Variants in APP observed in about 807,000 individuals in gnomAD.
The protein encoded by APP is amyloid-beta precursor protein.
In APP, 31 loss-of-function variants were observed where a neutral mutation model predicts 101.4. The ratio of observed to expected loss-of-function variants is 0.31; its 90% CI spans 0.23 to 0.41. The LOEUF (loss-of-function observed/expected upper bound fraction) is 0.41. Ranked by LOEUF, APP falls within the 10% of genes least tolerant of loss-of-function variation. The pLI is 1.00. For synonymous variants in APP, 366 were observed against 364.4 expected (o/e 1.00, Z -0.05); for missense variants, 839 against 1,003.7 (o/e 0.84, Z 2.22).
At chr21:26,130,703 C>T (rs2062776621) in intron 1 of APP, among the ~76,000 whole-genome samples, 1 of 152,218 alleles carries the variant, frequency 6.6e-6, no homozygotes, top group African/African-American at 2.4e-5. Flanking sequence ...GGGCAAATTC[C>T]TGTTTCTAGA....
chr21:26,160,959 GA>G (rs984872220), intron 1 of APP, among the ~76,000 whole-genome samples: 3 of 151,980 alleles, frequency 2.0e-5, no homozygotes, highest in African/African-American at 7.2e-5. Context: ...AAAAGAGGCT[GA>G]AAAAAAAGAA....
intron 6 of APP, among the ~76,000 whole-genome samples, chr21:26,001,833 A>T (rs551181276): frequency 0.081 from 7 of 86 alleles, no homozygotes; most frequent in South Asian, 0.44. Flanking sequence ...CCAATCAAAG[A>T]CAAGGATCCA....
intron 11 of APP, among the ~76,000 whole-genome samples, chr21:25,968,462 A>G (rs1044785936): frequency 2.0e-5 from 3 of 151,766 alleles, no homozygotes; most frequent in Admixed American, 6.6e-5. Flanking sequence ...CATCTAGCCT[A>G]AAGTATTTAT....
chr21:26,004,968 C>T (rs535080712), intron 6 of APP, among the ~76,000 whole-genome samples: 1 of 152,284 alleles, frequency 6.6e-6, no homozygotes, highest in Non-Finnish European at 1.5e-5. Flanking sequence ...CATGTCCCTA[C>T]AAAGGACGTG....
At chr21:25,936,382 T>C (rs544157611) in intron 13 of APP, among the ~76,000 whole-genome samples, 29 of 152,272 alleles carry the variant, frequency 1.9e-4, no homozygotes, top group African/African-American at 6.7e-4. Flanking sequence ...GGAGAAACCC[T>C]GTCTCTACTA....
chr21:26,114,620 T>C (rs2062396100), intron 1 of APP, among the ~76,000 whole-genome samples: 1 of 152,178 alleles, frequency 6.6e-6, no homozygotes, highest in East Asian at 1.9e-4. Flanking sequence ...TCTGAGACAT[T>C]TGGTGCTAAA....
intron 1 of APP, among the ~76,000 whole-genome samples, chr21:26,113,220 C>T (rs922030915): frequency 6.6e-6 from 1 of 152,170 alleles, no homozygotes; most frequent in East Asian, 1.9e-4. Flanking sequence ...GAATTAACTT[C>T]CAGCAGAAGC....
At chr21:25,955,219 C>T (rs1359562479) in intron 12 of APP, among the ~76,000 whole-genome samples, 4 of 151,986 alleles carry the variant, frequency 2.6e-5, no homozygotes, top group Non-Finnish European at 4.4e-5. Context: ...CTTTGGGAAC[C>T]GGGGAGTATA....
chr21:26,073,134 A>G (rs1199685573), intron 3 of APP, among the ~76,000 whole-genome samples: 1 of 152,162 alleles, frequency 6.6e-6, no homozygotes, highest in Non-Finnish European at 1.5e-5. Context: ...ATCTCCTAGC[A>G]AGTATGTGTT....
intron 5 of APP, among the ~76,000 whole-genome samples, chr21:26,044,804 G>C (rs1230187799): frequency 2.0e-5 from 3 of 152,188 alleles, no homozygotes; most frequent in Non-Finnish European, 2.9e-5. Context: ...CTCCCAAAGT[G>C]CTGGGATTAC....
intron 1 of APP, among the ~76,000 whole-genome samples, chr21:26,117,149 G>A (rs1048643636): frequency 3.3e-5 from 5 of 152,178 alleles, no homozygotes; most frequent in African/African-American, 4.8e-5. Flanking sequence ...CTCCCAAAAT[G>A]TTGGGATTAC....
At chr21:25,992,378 A>G (rs2146645140) in intron 8 of APP, among the ~76,000 whole-genome samples, 1 of 137,982 alleles carries the variant, frequency 7.2e-6, no homozygotes, top group South Asian at 2.4e-4. Flanking sequence ...ACAGAGCGAG[A>G]CTCCATCTCA....
chr21:25,912,731 A>AC (rs61341373), intron 13 of APP, among the ~76,000 whole-genome samples: 18,722 of 151,682 alleles, frequency 0.12, 1,476 homozygotes, highest in African/African-American at 0.21. Flanking sequence ...AGTGCCGCCT[A>AC]CCCCCCCACT....
rs544798864 is a variant in APP at position 26,056,465 on chromosome 21, A to T, written c.356-3117T>A. Among the ~76,000 whole-genome samples, 4 of 152,292 alleles carry T rather than the reference A, an allele frequency of 2.6e-5. No homozygotes were observed. The East Asian group carries it at 7.7e-4, about 29-fold the overall frequency. ...TTACTCTTACTTTCATCTGGCAGAA[A>T]ATCTATCCAAGAGAACCATATTCTT... On this transcript the variant is annotated intron_variant, in intron 3 of 17. Coordinates refer to ENST00000346798, the MANE Select transcript of APP (RefSeq NM_000484.4).
At chr21:26,114,235 T>G (rs2062387842) in intron 1 of APP, among the ~76,000 whole-genome samples, 1 of 152,228 alleles carries the variant, frequency 6.6e-6, no homozygotes, top group South Asian at 2.1e-4. Flanking sequence ...TCAATACAAA[T>G]GCACTTGATT....
At chr21:25,967,966 C>T (rs1169934885) in intron 11 of APP, among the ~76,000 whole-genome samples, 1 of 152,118 alleles carries the variant, frequency 6.6e-6, no homozygotes, top group African/African-American at 2.4e-5. Flanking sequence ...GTGCTAACTC[C>T]TTGATTTTCC....
At chr21:25,947,325 C>T (rs2040866640) in intron 13 of APP, among the ~76,000 whole-genome samples, 2 of 106 alleles carry the variant, frequency 0.019, no homozygotes, top group African/African-American at 0.036. Flanking sequence ...GGGGTGAGTT[C>T]GACACCTGCA....
At chr21:25,898,154 TA>T (rs1205386850) in intron 15 of APP, among the ~76,000 whole-genome samples, 3 of 152,216 alleles carry the variant, frequency 2.0e-5, no homozygotes, top group African/African-American at 2.4e-5. Flanking sequence ...CAATTACAAA[TA>T]AATTATGTTC....
chr21:25,892,927 A>G (rs1490428148), intron 16 of APP, among the ~76,000 whole-genome samples: 2 of 145,218 alleles, frequency 1.4e-5, no homozygotes, highest in Non-Finnish European at 3.0e-5. Context: ...TTTATTGTAC[A>G]GTAGTGCTTA....
Sources: allele counts gnomAD v4.1 joint callset (sites outside exome capture counted in the v4.1 genomes callset), GRCh38; gene constraint gnomAD v4.1.1; transcripts MANE v1.5; gene names NCBI Gene and HGNC (gene_info 2026-07-23, HGNC 2026-07-21).